The following ODR4 variants were observed in gnomAD, a reference collection of about 807,000 sequenced individuals.
The protein encoded by ODR4 is odr-4 GPCR localization factor homolog.
In ODR4, 47 loss-of-function variants were observed where a neutral mutation model predicts 60.2. The observed-to-expected ratio is 0.78, with a 90% CI of 0.62 to 1.00. The LOEUF (loss-of-function observed/expected upper bound fraction) is 1.00. Among genes scored for constraint, ODR4 ranks in the 50% least tolerant of loss-of-function variants. The pLI is 0.00. For missense variants in ODR4, 488 were observed against 530.8 expected (o/e 0.92, Z 0.79); for synonymous variants, 178 against 175.5 (o/e 1.01, Z -0.11).
rs1332144768 is a variant in ODR4 at position 186,420,988 on chromosome 1, A to G, written c.*1912A>G. Reference sequence around the variant, plus strand: ...ATACCAAATACAAGATTTTAAAAGCAACCATGGGGAGAAAAAGATCAGTGA... The same window carrying G: ...ATACCAAATACAAGATTTTAAAAGCGACCATGGGGAGAAAAAGATCAGTGA... On this transcript the variant is annotated 3_prime_UTR_variant, in exon 14 of 14. Coordinates refer to ENST00000287859, the MANE Select transcript of ODR4 (RefSeq NM_017847.6). 1.3e-5 allele frequency: 2 copies of G among 152,234 alleles called. No homozygotes were observed. The highest frequency in any genetic ancestry group is 4.8e-5 in the African/African-American group (2 of 41,468). 9.4% of individuals were successfully genotyped at this position (152,234 alleles called of 1,614,324 possible).
In ODR4 at chr1:186,398,374, T is replaced by G; in HGVS notation, c.842T>G (p.Leu281Arg). The change falls in exon 10 of 14, where the codon CTT (leucine) becomes CGT (arginine). Residue 281 changes from leucine to arginine, a missense_variant. By Grantham distance (102) the Leu-to-Arg change is moderately radical. Transcript: ENST00000287859. ...CAGATATGTAGCGGTTCTGTAAACC[T>G]TAAGGGTGCTGTGAAATGCAGAGCT... ...TVQICSGSVN[L>R]KGAVKCRAYI... 6.2e-7 allele frequency: 1 copy of G among 1,611,768 alleles called. No homozygotes were observed. The highest frequency in any genetic ancestry group is 8.5e-7 in the Non-Finnish European group (1 of 1,178,658).
rs1380365410 is a variant in ODR4, at chr1:186,393,455, A to G, written c.712-492A>G. 2.0e-5 allele frequency among the ~76,000 whole-genome samples: 3 copies of G among 152,252 alleles called. No homozygotes were observed. The East Asian group carries it at 5.8e-4, about 29-fold the overall frequency. On this transcript the variant is annotated intron_variant, in intron 8 of 13. Coordinates refer to ENST00000287859, the MANE Select transcript of ODR4 (RefSeq NM_017847.6). ...TCAAAAGCTATGGCCATTTTATAAA[A>G]GAGGTTTATAGAGGCTTCTAAAATA...
chr1:186,399,163 T>A lies in ODR4; in HGVS notation c.1000+119T>A, dbSNP rs775007598. 1.9e-4 allele frequency: 146 copies of A among 755,428 alleles called. 2 individuals are homozygous for A. Among genetic ancestry groups the A allele is most frequent in the South Asian group, 1.7e-3 (117 of 67,248 alleles). 46.8% of individuals were successfully genotyped at this position (755,428 alleles called of 1,614,324 possible). On this transcript the variant is annotated intron_variant, in intron 11 of 13. Coordinates refer to ENST00000287859, the MANE Select transcript of ODR4 (RefSeq NM_017847.6). ...CCTATCTATATTTTCAAGCAGTATA[T>A]CATCTTTTATTATTGGATGAAAATT...
chr1:186,395,437 C>T (rs1261736079), intron 9 of ODR4, among the ~76,000 whole-genome samples: 1 of 152,048 alleles, frequency 6.6e-6, no homozygotes, highest in South Asian at 2.1e-4. Flanking sequence ...TTTTGGTAGT[C>T]ACTCCACCGA....
intron 9 of ODR4, among the ~76,000 whole-genome samples, chr1:186,394,221 T>G (rs1660583530): frequency 6.6e-6 from 1 of 152,158 alleles, no homozygotes; most frequent in Admixed American, 6.5e-5. Context: ...TATTAAAATT[T>G]TAACATCAAT....
At chr1:186,425,881 A>T (rs1287880276), downstream of ODR4, among the ~76,000 whole-genome samples, 1 of 152,198 alleles carries the variant, frequency 6.6e-6, no homozygotes, top group South Asian at 2.1e-4. Flanking sequence ...CACACTTTAA[A>T]TATTCTATAA....
chr1:186,395,708 T>G (rs1660644048), intron 9 of ODR4, among the ~76,000 whole-genome samples: 1 of 152,226 alleles, frequency 6.6e-6, no homozygotes, highest in Non-Finnish European at 1.5e-5. Flanking sequence ...CTTCTACCTT[T>G]GTTAGTATAT....
At chr1:186,378,051 C>CA (rs71557849) in intron 1 of ODR4, among the ~76,000 whole-genome samples, 6,286 of 146,964 alleles carry the variant, frequency 0.043, 140 homozygotes, top group African/African-American at 0.048. Context: ...TCTCAAAAAA[C>CA]AAAAAAAAAA....
chr1:186,400,031 G>A (rs1452122305), intron 11 of ODR4, among the ~76,000 whole-genome samples: 6 of 116,234 alleles, frequency 5.2e-5, no homozygotes, highest in Admixed American at 1.2e-4. Flanking sequence ...TCGCTCTGTC[G>A]CCCAGGCTGG....
At chr1:186,401,466 T>TTCTG (rs34860338) in intron 11 of ODR4, 115,778 of 202,888 alleles carry the variant, frequency 0.57, 34,016 homozygotes, top group East Asian at 0.64. Flanking sequence ...TCGTCCGTCT[T>TTCTG]TCTGTCTGTC....
At position 186,386,016 on chromosome 1, in the gene ODR4, T is replaced by C. The variant is rs769652824; in HGVS notation, c.263T>C (p.Leu88Ser). 12 of 1,604,272 alleles carry C rather than the reference T, an allele frequency of 7.5e-6. No individual in the cohort carries two copies. The highest frequency in any genetic ancestry group is 4.0e-5 in the African/African-American group (3 of 74,682). The change falls in exon 4 of 14, where the codon TTA becomes TCA. Residue 88 changes from leucine (L) to serine (S), a missense_variant. Leu to Ser is a moderately radical substitution (Grantham distance 145). Coordinates refer to ENST00000287859, the MANE Select transcript of ODR4 (RefSeq NM_017847.6). ...QVSRMLPGGLLVLGVFIITTL... is the reference protein window; with the variant it reads ...QVSRMLPGGLSVLGVFIITTL... ...TCCAGAATGCTACCAGGGGGACTTT[T>C]AGTTCTTGGAGTATTTATTATTACT... is the stretch of plus-strand genomic sequence containing the variant.
intron 2 of ODR4, 42 bp downstream of exon 2, chr1:186,379,926 C>G: frequency 2.7e-6 from 3 of 1,120,944 alleles, no homozygotes; most frequent in South Asian, 1.6e-5. Context: ...AATAATTACT[C>G]TGTAATTTAT....
intron 12 of ODR4, among the ~76,000 whole-genome samples, chr1:186,407,183 C>G (rs865982457): frequency 1.3e-5 from 2 of 152,048 alleles, no homozygotes; most frequent in African/African-American, 4.8e-5. Context: ...TGCCCAATGC[C>G]TGATGTTAAA....
At chr1:186,383,862 A>C (rs1253481322) in intron 3 of ODR4, among the ~76,000 whole-genome samples, 1 of 151,954 alleles carries the variant, frequency 6.6e-6, no homozygotes, top group African/African-American at 2.4e-5. Context: ...ACATGGTGAA[A>C]CCCCGTCTCT....
intron 5 of ODR4, among the ~76,000 whole-genome samples, chr1:186,389,190 C>T (rs1660363630): frequency 6.6e-6 from 1 of 150,820 alleles, no homozygotes; most frequent in Non-Finnish European, 1.5e-5. Flanking sequence ...TAGTATTTAA[C>T]TGCAAAGTTT....
At chr1:186,409,648 C>T (rs1203527214) in intron 12 of ODR4, among the ~76,000 whole-genome samples, 1 of 152,096 alleles carries the variant, frequency 6.6e-6, no homozygotes, top group Non-Finnish European at 1.5e-5. Context: ...CGGGTTCAAG[C>T]GATTCTCCTG....
At chr1:186,385,133 T>C (rs1229049371) in intron 3 of ODR4, among the ~76,000 whole-genome samples, 1 of 151,978 alleles carries the variant, frequency 6.6e-6, no homozygotes, top group African/African-American at 2.4e-5. Flanking sequence ...CAAATAATTC[T>C]ATGAATGCAG....
intron 12 of ODR4, among the ~76,000 whole-genome samples, chr1:186,411,158 T>G (rs1661368943): frequency 6.6e-6 from 1 of 152,124 alleles, no homozygotes; most frequent in Non-Finnish European, 1.5e-5. Flanking sequence ...TCAAAGGAAA[T>G]GTTCATTAGA....
At chr1:186,409,183 A>G (rs1661281619) in intron 12 of ODR4, among the ~76,000 whole-genome samples, 2 of 147,776 alleles carry the variant, frequency 1.4e-5, no homozygotes, top group Non-Finnish European at 3.0e-5. Context: ...ACAGAGTAGG[A>G]CCCTGTCTCA....
Sources: allele counts gnomAD v4.1 joint callset (sites outside exome capture counted in the v4.1 genomes callset), GRCh38; gene constraint gnomAD v4.1.1; transcripts MANE v1.5; gene names NCBI Gene and HGNC (gene_info 2026-07-23, HGNC 2026-07-21).